Variants in GALNT13 observed in about 807,000 individuals in gnomAD.
GALNT13 encodes the protein polypeptide N-acetylgalactosaminyltransferase 13.
A neutral mutation model predicts 64.2 loss-of-function variants in GALNT13; 28 were observed. The observed-to-expected ratio is 0.44, with a 90% CI of 0.32 to 0.60. The LOEUF is 0.60. GALNT13 is among the 20% of genes least tolerant of loss of function. The probability of loss-of-function intolerance (pLI) is 0.05; values close to 1 mark genes in which losing one functional copy is unlikely to be tolerated. For missense variants in GALNT13, 577 were observed against 669.8 expected (o/e 0.86, Z 1.53); for synonymous variants, 214 against 224.6 (o/e 0.95, Z 0.42).
intron 9 of GALNT13, among the ~76,000 whole-genome samples, chr2:154,383,847 G>C (rs1698387570): frequency 6.6e-6 from 1 of 151,642 alleles, no homozygotes; most frequent in South Asian, 2.1e-4. Context: ...AGTGTAGGTA[G>C]TAATTCTAAG....
the GALNT13 span, among the ~76,000 whole-genome samples, chr2:153,485,347 T>G: frequency 6.6e-6 from 1 of 152,364 alleles, no homozygotes; most frequent in South Asian, 2.1e-4. Context: ...CTGTGATTTC[T>G]TTCACTGCTT....
the GALNT13 span, among the ~76,000 whole-genome samples, chr2:153,368,226 T>C: frequency 6.6e-6 from 1 of 152,176 alleles, no homozygotes; most frequent in East Asian, 1.9e-4. Flanking sequence ...AGGTGGGGCC[T>C]TTGGGAGGTA....
At chr2:153,610,243 C>T in the GALNT13 span, among the ~76,000 whole-genome samples, 1 of 151,750 alleles carries the variant, frequency 6.6e-6, no homozygotes, top group Non-Finnish European at 1.5e-5. Context: ...TGCACATATA[C>T]GTACAAATAC....
At chr2:153,317,779 C>A in the GALNT13 span, among the ~76,000 whole-genome samples, 5 of 152,004 alleles carry the variant, frequency 3.3e-5, no homozygotes, top group Admixed American at 6.6e-5. Flanking sequence ...TATCTAATAT[C>A]AGAGACAAAA....
chr2:154,189,112 ATAGTTG>A (rs1418761197), intron 4 of GALNT13, among the ~76,000 whole-genome samples: 1 of 152,200 alleles, frequency 6.6e-6, no homozygotes, highest in African/African-American at 2.4e-5. Flanking sequence ...TCTTATTCAT[ATAGTTG>A]TACTCTGACC....
At chr2:153,355,730 C>T in the GALNT13 span, among the ~76,000 whole-genome samples, 2 of 152,104 alleles carry the variant, frequency 1.3e-5, no homozygotes, top group African/African-American at 4.8e-5. Flanking sequence ...GTGTTAGTTT[C>T]TTGATATGCA....
At chr2:153,400,253 C>A in the GALNT13 span, among the ~76,000 whole-genome samples, 153 of 151,996 alleles carry the variant, frequency 1.0e-3, no homozygotes, top group African/African-American at 3.6e-3. Flanking sequence ...ATTGAACCAG[C>A]CTTGCATCCC....
the GALNT13 span, among the ~76,000 whole-genome samples, chr2:153,756,711 T>C: frequency 1.3e-5 from 2 of 152,146 alleles, no homozygotes; most frequent in Admixed American, 6.6e-5. Flanking sequence ...TTTTAGAATG[T>C]ACCATTGACT....
intron 9 of GALNT13, among the ~76,000 whole-genome samples, chr2:154,366,743 G>A (rs1697383527): frequency 6.6e-6 from 1 of 152,186 alleles, no homozygotes; most frequent in African/African-American, 2.4e-5. Context: ...CAGAGTTGGA[G>A]TCCAACAATG....
chr2:153,233,357 A>G, the GALNT13 span, among the ~76,000 whole-genome samples: 2 of 152,024 alleles, frequency 1.3e-5, no homozygotes, highest in Non-Finnish European at 2.9e-5. Context: ...TTTTATTCCT[A>G]TAGACATTCA....
At chr2:153,386,747 T>C in the GALNT13 span, among the ~76,000 whole-genome samples, 1 of 152,100 alleles carries the variant, frequency 6.6e-6, no homozygotes, top group African/African-American at 2.4e-5. Flanking sequence ...ATTTCACTTA[T>C]AATTGGATAC....
chr2:154,259,417 TA>T (rs1292860983), intron 8 of GALNT13, among the ~76,000 whole-genome samples: 1 of 152,234 alleles, frequency 6.6e-6, no homozygotes, highest in Non-Finnish European at 1.5e-5. Context: ...AGAAGGGTTT[TA>T]TTTTTTAATA....
the GALNT13 span, among the ~76,000 whole-genome samples, chr2:153,660,727 C>T: frequency 2.0e-5 from 3 of 151,878 alleles, no homozygotes; most frequent in Non-Finnish European, 2.9e-5. Flanking sequence ...GTCATTTTAA[C>T]CCAAGGCCAC....
At position 154,227,940 on chromosome 2, in the gene GALNT13, G is replaced by A. The variant is rs183416972; in HGVS notation, c.312-14090G>A. On this transcript the variant is annotated intron_variant, in intron 4 of 12. Coordinates refer to ENST00000392825, the MANE Select transcript of GALNT13 (RefSeq NM_052917.4). The stretch of plus-strand genomic sequence containing the variant: ...TTCTATTTATTGAATTCTGTTTTTA[G>A]TAGTGGTATTTCCATTTACAAAATA... 3.8e-4 allele frequency among the ~76,000 whole-genome samples: 58 copies of A among 152,172 alleles called. 1 individual carries two copies. Among genetic ancestry groups the A allele is most frequent in the Admixed American group, 6.5e-4 (10 of 15,276 alleles).
At chr2:153,133,479 G>A in the GALNT13 span, among the ~76,000 whole-genome samples, 62 of 151,830 alleles carry the variant, frequency 4.1e-4, 1 homozygote, top group East Asian at 0.011. Context: ...TTGCTTTGCT[G>A]TTTTTTTTCT....
At chr2:153,309,258 A>C in the GALNT13 span, among the ~76,000 whole-genome samples, 1 of 152,152 alleles carries the variant, frequency 6.6e-6, no homozygotes, top group Admixed American at 6.5e-5. Context: ...AGGAAGTTGA[A>C]CTAAGAGGCA....
chr2:154,122,376 TG>T (rs1682000089), intron 3 of GALNT13, among the ~76,000 whole-genome samples: 1 of 152,044 alleles, frequency 6.6e-6, no homozygotes, highest in Admixed American at 6.6e-5. Flanking sequence ...TAAGAGGTAT[TG>T]GTCCATAATT....
At chr2:154,214,889 C>A (rs1019234788) in intron 4 of GALNT13, among the ~76,000 whole-genome samples, 1 of 152,154 alleles carries the variant, frequency 6.6e-6, no homozygotes, top group Non-Finnish European at 1.5e-5. Context: ...CCCTTAAGAG[C>A]AGTCTGTTTC....
intron 12 of GALNT13, among the ~76,000 whole-genome samples, chr2:154,440,233 G>A (rs1701218537): frequency 6.6e-6 from 1 of 152,044 alleles, no homozygotes; most frequent in Non-Finnish European, 1.5e-5. Context: ...TTAAGAAAGG[G>A]GAATGATCGT....
Sources: allele counts gnomAD v4.1 joint callset (sites outside exome capture counted in the v4.1 genomes callset), GRCh38; gene constraint gnomAD v4.1.1; transcripts MANE v1.5; gene names NCBI Gene and HGNC (gene_info 2026-07-23, HGNC 2026-07-21).